Variants in TMEM132B observed in about 807,000 individuals in gnomAD.
TMEM132B encodes transmembrane protein 132B.
TMEM132B carries 18 observed loss-of-function variants against 90.8 expected under a neutral mutation model. That is an observed-to-expected ratio of 0.20 (90% CI 0.14 to 0.29). The LOEUF is 0.29. Ranked by LOEUF, TMEM132B falls within the 10% of genes least tolerant of loss-of-function variation. TMEM132B has a pLI of 1.00. For synonymous variants in TMEM132B, 504 were observed against 523.3 expected, an observed-to-expected ratio of 0.96 and a Z score of 0.50; for missense variants, 1,096 against 1,326.8, an observed-to-expected ratio of 0.83 and a Z score of 2.70.
At chr12:125,560,765 C>A (rs191000586) in intron 4 of TMEM132B, among the ~76,000 whole-genome samples, 11 of 128,304 alleles carry the variant, frequency 8.6e-5, no homozygotes, top group African/African-American at 3.2e-4. Context: ...GCGGAGCTTG[C>A]AGTGAGCCAA....
At chr12:125,332,662 A>G (rs1876821374) in intron 1 of TMEM132B, among the ~76,000 whole-genome samples, 1 of 130,656 alleles carries the variant, frequency 7.7e-6, no homozygotes, top group Non-Finnish European at 1.5e-5. Context: ...GTTTCCAAGC[A>G]CTTGGAGATT....
intron 1 of TMEM132B, among the ~76,000 whole-genome samples, chr12:125,293,469 G>T (rs915528635): frequency 6.6e-6 from 1 of 152,010 alleles, no homozygotes; most frequent in Non-Finnish European, 1.5e-5. Context: ...CCTTGAATAG[G>T]CCCCAGCGTC....
chr12:125,199,324 G>T (rs1873002425), intron 1 of TMEM132B, among the ~76,000 whole-genome samples: 1 of 152,160 alleles, frequency 6.6e-6, no homozygotes, highest in East Asian at 1.9e-4. Flanking sequence ...GAGAGGGGGA[G>T]GAAACCAAGA....
rs1284851423 is a variant in TMEM132B, at chr12:125,660,445, T to A, written c.*5735T>A. On this transcript the variant is annotated 3_prime_UTR_variant, in exon 9 of 9. Transcript: ENST00000682704. ...CAAAATGTAAACACGGCATTTGAAATTTTTTGGTATTGAAATCCTTAATGC... is the reference window on the plus strand; with the variant it reads ...CAAAATGTAAACACGGCATTTGAAAATTTTTGGTATTGAAATCCTTAATGC... 6.6e-6 allele frequency: 1 copy of A among 152,192 alleles called. No individual in the cohort carries two copies. The highest frequency in any genetic ancestry group is 2.4e-5 in the African/African-American group (1 of 41,448). The allele number at this position is 152,192 out of a possible 1,614,324, so 9.4% of individuals were successfully genotyped here.
At chr12:125,449,051 C>T (rs1881081465) in intron 3 of TMEM132B, among the ~76,000 whole-genome samples, 1 of 148,782 alleles carries the variant, frequency 6.7e-6, no homozygotes, top group Admixed American at 6.8e-5. Flanking sequence ...ACTGCAAGCT[C>T]TGCCTCCTGG....
intron 3 of TMEM132B, among the ~76,000 whole-genome samples, chr12:125,508,393 G>C (rs1000651176): frequency 2.0e-5 from 3 of 152,122 alleles, no homozygotes; most frequent in Non-Finnish European, 4.4e-5. Flanking sequence ...TCCTTTGTGC[G>C]TGATGCTGCT....
At chr12:125,288,546 T>G (rs1406705664) in intron 1 of TMEM132B, among the ~76,000 whole-genome samples, 1 of 151,954 alleles carries the variant, frequency 6.6e-6, no homozygotes, top group African/African-American at 2.4e-5. Context: ...ACTCATCTCA[T>G]ATTGCTGGTT....
chr12:125,550,171 C>T (rs115693653), intron 4 of TMEM132B, among the ~76,000 whole-genome samples: 28 of 152,336 alleles, frequency 1.8e-4, no homozygotes, highest in African/African-American at 6.7e-4. Flanking sequence ...TGCTTACTAG[C>T]TGGGGACCAG....
chr12:125,225,378 G>C (rs1873655504), intron 1 of TMEM132B, among the ~76,000 whole-genome samples: 1 of 152,232 alleles, frequency 6.6e-6, no homozygotes, highest in Admixed American at 6.5e-5. Context: ...AGAGCATTAA[G>C]TCAAGGATAA....
chr12:125,331,748 C>A (rs1334271477), intron 1 of TMEM132B, among the ~76,000 whole-genome samples: 1 of 152,128 alleles, frequency 6.6e-6, no homozygotes, highest in Non-Finnish European at 1.5e-5. Context: ...TATATTATTA[C>A]AAGTTATTTA....
At chr12:125,378,402 T>C (rs1878560179) in intron 2 of TMEM132B, among the ~76,000 whole-genome samples, 1 of 152,188 alleles carries the variant, frequency 6.6e-6, no homozygotes, top group Non-Finnish European at 1.5e-5. Flanking sequence ...AGCAGGGCCT[T>C]AGTTTTCTCC....
chr12:125,223,656 C>G (rs1325812233), intron 1 of TMEM132B, among the ~76,000 whole-genome samples: 1 of 152,226 alleles, frequency 6.6e-6, no homozygotes, highest in Admixed American at 6.5e-5. Context: ...AACAGTTACT[C>G]TCTGTCCCGC....
chr12:125,344,229 G>C (rs1877286545), intron 1 of TMEM132B, among the ~76,000 whole-genome samples: 1 of 152,184 alleles, frequency 6.6e-6, no homozygotes, highest in Non-Finnish European at 1.5e-5. Flanking sequence ...TAGTAGTCAT[G>C]CTTTAGTCAG....
chr12:125,427,521 G>A (rs1403956509), intron 3 of TMEM132B, among the ~76,000 whole-genome samples: 1 of 152,182 alleles, frequency 6.6e-6, no homozygotes, highest in African/African-American at 2.4e-5. Flanking sequence ...TAAGTCCAAC[G>A]CTCTTTTCGC....
intron 6 of TMEM132B, 106 bp downstream of exon 6, chr12:125,644,387 A>G (rs1886708785): frequency 1.6e-6 from 2 of 1,281,950 alleles, no homozygotes; most frequent in South Asian, 1.4e-5. Context: ...AGCAACATCC[A>G]CAGCGGGAAG....
intron 3 of TMEM132B, among the ~76,000 whole-genome samples, chr12:125,456,662 A>G (rs1390744282): frequency 6.6e-6 from 1 of 151,910 alleles, no homozygotes; most frequent in Non-Finnish European, 1.5e-5. Flanking sequence ...CTACCTGGCC[A>G]CTCACCAGGC....
intron 4 of TMEM132B, among the ~76,000 whole-genome samples, chr12:125,561,005 A>C (rs973160168): frequency 8.5e-5 from 13 of 152,280 alleles, no homozygotes; most frequent in Admixed American, 8.5e-4. Context: ...CATTTGACCC[A>C]GTGATCGCAT....
intron 3 of TMEM132B, among the ~76,000 whole-genome samples, chr12:125,480,063 G>A (rs1881997445): frequency 1.3e-5 from 2 of 152,168 alleles, no homozygotes; most frequent in East Asian, 1.9e-4. Context: ...AAACTAATGA[G>A]AATGAAGACA....
At chr12:125,482,933 A>C (rs1376322590) in intron 3 of TMEM132B, among the ~76,000 whole-genome samples, 1 of 151,718 alleles carries the variant, frequency 6.6e-6, no homozygotes, top group Non-Finnish European at 1.5e-5. Context: ...GGATGAGTTC[A>C]TGTCCTTTGT....
Sources: gnomAD v4.1 joint callset for allele counts (sites outside exome capture counted in the v4.1 genomes callset) on GRCh38, gnomAD v4.1.1 for gene constraint, MANE v1.5 for transcripts, NCBI Gene and HGNC (gene_info 2026-07-23, HGNC 2026-07-21) for gene names.